Variants in DDB2 observed in about 807,000 individuals in gnomAD.
The protein encoded by DDB2 is DNA damage-binding protein 2.
In DDB2, 27 loss-of-function variants were observed where a neutral mutation model predicts 50.5. The ratio of observed to expected loss-of-function variants is 0.53; its 90% confidence interval spans 0.39 to 0.74. The LOEUF (loss-of-function observed/expected upper bound fraction) is 0.74, where lower values mean the gene tolerates loss of function less well. Ranked by LOEUF, DDB2 falls within the 30% of genes least tolerant of loss-of-function variation. The pLI, the probability that DDB2 is intolerant of heterozygous loss-of-function variation, is 0.00. For synonymous variants in DDB2, 176 were observed against 205.5 expected, an observed-to-expected ratio of 0.86 and a Z score of 1.23; for missense variants, 424 against 545.6, an observed-to-expected ratio of 0.78 and a Z score of 2.22.
intron 3 of DDB2, among the ~76,000 whole-genome samples, 181 bp from the exon 4 acceptor site, chr11:47,232,633 T>C (rs1953665180): frequency 1.3e-5 from 2 of 152,178 alleles, no homozygotes; most frequent in African/African-American, 2.4e-5. Flanking sequence ...AGAAAGACCC[T>C]ATTTCAAAGG....
intron 9 of DDB2, 37 bp downstream of exon 9, chr11:47,238,220 C>A: frequency 6.4e-7 from 1 of 1,573,372 alleles, no homozygotes; most frequent in East Asian, 2.3e-5. Flanking sequence ...TTGCCAAGTC[C>A]GATCCTACTT....
At chr11:47,226,526 G>T (rs1446683944) in intron 3 of DDB2, among the ~76,000 whole-genome samples, 1 of 151,890 alleles carries the variant, frequency 6.6e-6, no homozygotes, top group African/African-American at 2.4e-5. Context: ...ATTTGCCTTG[G>T]CCTCCCAAAT....
intron 7 of DDB2, among the ~76,000 whole-genome samples, chr11:47,236,378 C>A (rs1207374057): frequency 6.6e-6 from 1 of 152,192 alleles, no homozygotes; most frequent in African/African-American, 2.4e-5. Flanking sequence ...TCCTTTGATG[C>A]CTTTTTGCCT....
intron 4 of DDB2, 185 bp downstream of exon 4, chr11:47,233,144 G>T: frequency 4.2e-6 from 3 of 715,950 alleles, no homozygotes; most frequent in Non-Finnish European, 7.4e-6. Context: ...GTCCAGGTGG[G>T]TTACTGCTTT....
chr11:47,237,923 G>A lies in DDB2; in HGVS notation c.1110G>A (p.Arg370=), dbSNP rs1360468219. The A allele has an allele frequency of 1.9e-6, 3 of 1,614,158 alleles. No homozygotes were observed. Among genetic ancestry groups the A allele is most frequent in the East Asian group, 2.2e-5 (1 of 44,890 alleles). The change falls in exon 8 of 10, where the codon AGG becomes AGA. Residue 370 remains arginine (R), a synonymous_variant. Transcript: ENST00000256996. ...NFKSCTPYEL[R]TIDVFDGNSG... ...AAAGTTGTACCCCTTATGAATTGAG[G>A]ACGATCGACGTGTTCGATGGAAACT...
chr11:47,234,574 A>C lies in DDB2; in HGVS notation c.604A>C (p.Ile202Leu). 5 of 1,613,600 alleles carry C rather than the reference A, an allele frequency of 3.1e-6. No individual in the cohort carries two copies. The highest frequency in any genetic ancestry group is 4.2e-6 in the Non-Finnish European group (5 of 1,179,512). ...RVFASSDTIN[I>L]WFCSLDVSAS... ...TTACAACACAGTCTCTCCCTCCAGC[A>C]TCTGGTTTTGTAGCCTGGATGTGTC... is the stretch of plus-strand genomic sequence containing the variant. Residue 202 changes from isoleucine to leucine, a missense_variant and splice_region_variant, in exon 5 of 10, where the codon ATC (isoleucine) becomes CTC (leucine). Ile to Leu is a conservative substitution (Grantham distance 5). Coordinates refer to ENST00000256996, the MANE Select transcript of DDB2 (RefSeq NM_000107.3).
At chr11:47,216,556 G>A in intron 2 of DDB2, 84 bp downstream of exon 2, 2 of 1,581,032 alleles carry the variant, frequency 1.3e-6, no homozygotes, top group Non-Finnish European at 1.7e-6. Flanking sequence ...TGATGGCTTG[G>A]TTCACCAGCT....
At chr11:47,235,068 C>G in intron 6 of DDB2, 134 bp downstream of exon 6, 1 of 1,309,066 alleles carries the variant, frequency 7.6e-7, no homozygotes, top group South Asian at 1.2e-5. Flanking sequence ...GTCTGGGAAC[C>G]TTTGTGGCTG....
chr11:47,234,105 T>C (rs1011201492), intron 4 of DDB2, among the ~76,000 whole-genome samples: 3 of 152,110 alleles, frequency 2.0e-5, no homozygotes, highest in Admixed American at 2.0e-4. Flanking sequence ...TGGTTGTGTT[T>C]TTTCCCCCAG....
intron 3 of DDB2, chr11:47,229,798 T>A (rs1953617403): frequency 2.4e-6 from 1 of 421,184 alleles, no homozygotes; most frequent in South Asian, 1.8e-5. Context: ...TCTCACCCTA[T>A]GCTTAATTTG....
At position 47,235,255 on chromosome 11, in the gene DDB2, T is replaced by G; in HGVS notation, c.881-15T>G. 1 of 1,614,148 alleles carries G rather than the reference T, an allele frequency of 6.2e-7. No homozygotes were observed. The highest frequency in any genetic ancestry group is 8.5e-7 in the Non-Finnish European group (1 of 1,180,008). ...CTTGTGGTTCCTTCAGCTCAGGGGC[T>G]TTTCACTTTGCCAGCTTGTTTCAGT... On this transcript the variant is annotated splice_polypyrimidine_tract_variant and intron_variant, in intron 6 of 9. Coordinates refer to ENST00000256996, the MANE Select transcript of DDB2 (RefSeq NM_000107.3).
chr11:47,237,500 C>T (rs1462519223), intron 7 of DDB2: 2 of 338,556 alleles, frequency 5.9e-6, no homozygotes, highest in Admixed American at 4.2e-5. Context: ...ACATGATCTT[C>T]ACTCACTGCA....
chr11:47,228,138 CAA>C (rs35908583), intron 3 of DDB2, among the ~76,000 whole-genome samples: 42 of 57,460 alleles, frequency 7.3e-4, no homozygotes, highest in Admixed American at 8.7e-4. Flanking sequence ...GGCTCTGTCT[CAA>C]AAAAAAAAAA....
At chr11:47,230,797 A>G (rs1265875932) in intron 3 of DDB2, among the ~76,000 whole-genome samples, 1 of 152,146 alleles carries the variant, frequency 6.6e-6, no homozygotes, top group East Asian at 1.9e-4. Context: ...ACAAGTGGAG[A>G]ACTTTACATC....
At chr11:47,235,073 T>C in intron 6 of DDB2, 139 bp downstream of exon 6, 3 of 1,268,030 alleles carry the variant, frequency 2.4e-6, no homozygotes, top group Non-Finnish European at 3.4e-6. Flanking sequence ...GGAACCTTTG[T>C]GGCTGTGGCT....
At chr11:47,228,977 A>ATTATCTATCTATCTATC (rs1554974378) in intron 3 of DDB2, among the ~76,000 whole-genome samples, 4 of 124,690 alleles carry the variant, frequency 3.2e-5, no homozygotes, top group Non-Finnish European at 4.9e-5. Context: ...AAAAAAAGAA[A>ATTATCTATCTATCTATC]TATCTATCTA....
rs569974735 is a variant in DDB2, at chr11:47,233,136, C to T, written c.602+177C>T. The T allele has an allele frequency of 2.4e-4, 178 of 754,162 alleles. 2 individuals carry two copies. In the South Asian group the frequency reaches 2.4e-3, roughly 10 times the overall value. 46.7% of individuals were successfully genotyped at this position (754,162 alleles called of 1,614,324 possible). A position where few individuals can be genotyped will look rare whatever the true frequency, so the allele number is the denominator to read the frequency against. On this transcript the variant is annotated intron_variant, in intron 4 of 9. Coordinates refer to ENST00000256996, the MANE Select transcript of DDB2 (RefSeq NM_000107.3). ...GCTCCTTGGCTGCCCTCACTTTGGTCCAGGTGGGTTACTGCTTTGGGAAGG... is the reference window on the plus strand; with the variant it reads ...GCTCCTTGGCTGCCCTCACTTTGGTTCAGGTGGGTTACTGCTTTGGGAAGG...
intron 3 of DDB2, among the ~76,000 whole-genome samples, chr11:47,218,980 T>C (rs1953442783): frequency 6.6e-6 from 1 of 152,180 alleles, no homozygotes; most frequent in East Asian, 1.9e-4. Context: ...ACTCTCGCTC[T>C]GTCACCCAGG....
At chr11:47,215,625 T>G (rs751422192) in intron 1 of DDB2, 19 of 360,094 alleles carry the variant, frequency 5.3e-5, no homozygotes, top group Non-Finnish European at 8.6e-5. Context: ...TGGTCAGTTG[T>G]GAGAGCCCCC....
Sources: gnomAD v4.1 joint callset for allele counts (sites outside exome capture counted in the v4.1 genomes callset) on GRCh38, gnomAD v4.1.1 for gene constraint, MANE v1.5 for transcripts, NCBI Gene and HGNC (gene_info 2026-07-23, HGNC 2026-07-21) for gene names.